Variants in TMX3 observed in about 807,000 individuals in gnomAD.
TMX3 encodes protein disulfide-isomerase TMX3.
TMX3 carries 40 observed loss-of-function variants against 64.4 expected under a neutral mutation model. The ratio of observed to expected loss-of-function variants is 0.62; its 90% confidence interval spans 0.48 to 0.81. The LOEUF (loss-of-function observed/expected upper bound fraction) is 0.81. Ranked by LOEUF, TMX3 falls within the 30% of genes least tolerant of loss-of-function variation. The pLI is 0.00. For missense variants in TMX3, 497 were observed against 534.5 expected (o/e 0.93, Z 0.69); for synonymous variants, 189 against 175.7 (o/e 1.08, Z -0.60).
rs760256285 is a variant in TMX3, at chr18:68,697,929, T to C, written c.492+3A>G. ...GTTTTTGTGGATTAAAAAAAAGTCT[T>C]ACTTTCAAAGGTGATTCTCCACCTA... On this transcript the variant is annotated splice_donor_region_variant and intron_variant, in intron 7 of 15. Transcript: ENST00000299608. 2 of 1,590,636 alleles carry C rather than the reference T, an allele frequency of 1.3e-6. No homozygotes were observed. Among genetic ancestry groups the C allele is most frequent in the South Asian group, 1.1e-5 (1 of 88,958 alleles).
chr18:68,691,419 TATA>T (rs1914512640), intron 8 of TMX3, 58 bp from the exon 9 acceptor site: 1 of 1,162,432 alleles, frequency 8.6e-7, no homozygotes, highest in African/African-American at 1.6e-5. Context: ...AATTAGTAAC[TATA>T]ATTTCAAAAG....
chr18:68,700,796 T>C, intron 5 of TMX3: 4 of 985,228 alleles, frequency 4.1e-6, no homozygotes, highest in Non-Finnish European at 4.8e-6. Context: ...AAAATTAAAG[T>C]ACTATAATTC....
chr18:68,697,075 A>G (rs1915160724), intron 8 of TMX3, 151 bp downstream of exon 8: 1 of 503,616 alleles, frequency 2.0e-6, no homozygotes, highest in Non-Finnish European at 3.5e-6. Context: ...AAGAATCAGC[A>G]TGTTTACTTT....
chr18:68,696,710 C>T (rs1431685583), intron 8 of TMX3, among the ~76,000 whole-genome samples: 1 of 151,842 alleles, frequency 6.6e-6, no homozygotes, highest in Admixed American at 6.6e-5. Flanking sequence ...TTCCTGACCT[C>T]GGGTGATCTA....
intron 5 of TMX3, chr18:68,701,055 T>G (rs1175677074): frequency 1.0e-6 from 1 of 969,846 alleles, no homozygotes. Context: ...CACAACAGAA[T>G]ACCTACAATT....
At chr18:68,702,002 C>CA (rs950554127) in intron 4 of TMX3, among the ~76,000 whole-genome samples, 1 of 150,416 alleles carries the variant, frequency 6.6e-6, no homozygotes, top group African/African-American at 2.4e-5. Flanking sequence ...GTGACCTGCA[C>CA]AAAATACTAT....
chr18:68,687,775 A>G lies in TMX3; in HGVS notation c.638-10T>C. On this transcript the variant is annotated splice_polypyrimidine_tract_variant and intron_variant, in intron 9 of 15. Transcript: ENST00000299608. Reference sequence around the variant, plus strand: ...TCACCATCTTCATACTCTTAAAACCAAGACAAAGTTGACAAATTACAGTAT... The same window carrying G: ...TCACCATCTTCATACTCTTAAAACCGAGACAAAGTTGACAAATTACAGTAT... 1 of 1,593,234 alleles carries G rather than the reference A, an allele frequency of 6.3e-7. No individual in the cohort carries two copies. Among genetic ancestry groups the G allele is most frequent in the South Asian group, 1.1e-5 (1 of 88,132 alleles).
rs753031271 is a variant in TMX3, at chr18:68,711,356, A to C, written c.141+8T>G. ...TGGGTAATTAGCATATAAAATTTAC[A>C]TACTTACATCTACAAGCCAAATGTC... On this transcript the variant is annotated splice_region_variant and intron_variant, in intron 3 of 15. Transcript: ENST00000299608. 10 of 1,579,112 alleles carry C rather than the reference A, an allele frequency of 6.3e-6. No individual in the cohort carries two copies. Among genetic ancestry groups the C allele is most frequent in the Non-Finnish European group, 8.6e-6 (10 of 1,158,468 alleles).
At chr18:68,678,715 A>G (rs1307077155) in intron 15 of TMX3, among the ~76,000 whole-genome samples, 1 of 152,164 alleles carries the variant, frequency 6.6e-6, no homozygotes, top group Non-Finnish European at 1.5e-5. Context: ...ATATATTTAG[A>G]AAGTATAATT....
intron 8 of TMX3, among the ~76,000 whole-genome samples, chr18:68,693,378 T>A (rs1914719923): frequency 6.6e-6 from 1 of 151,532 alleles, no homozygotes; most frequent in South Asian, 2.1e-4. Flanking sequence ...TGCTCAGGAG[T>A]GGTTCTGGAC....
chr18:68,679,299 T>G (rs759676257), intron 15 of TMX3, among the ~76,000 whole-genome samples, 164 bp downstream of exon 15: 4 of 152,164 alleles, frequency 2.6e-5, no homozygotes, highest in Non-Finnish European at 5.9e-5. Flanking sequence ...TTAGAAACAA[T>G]TTCCACCTAA....
chr18:68,693,340 G>GC (rs1436397934), intron 8 of TMX3, among the ~76,000 whole-genome samples: 1 of 152,096 alleles, frequency 6.6e-6, no homozygotes, highest in Non-Finnish European at 1.5e-5. Context: ...TGGGGTGGGA[G>GC]CCCCACGCTC....
chr18:68,695,348 C>T (rs1914956212), intron 8 of TMX3, among the ~76,000 whole-genome samples: 1 of 152,128 alleles, frequency 6.6e-6, no homozygotes, highest in Non-Finnish European at 1.5e-5. Context: ...GGTTCTGGGC[C>T]TACTCATTTC....
chr18:68,686,209 G>C (rs1177926876), intron 10 of TMX3, among the ~76,000 whole-genome samples: 1 of 152,122 alleles, frequency 6.6e-6, no homozygotes, highest in Non-Finnish European at 1.5e-5. Context: ...CACAGCTGAT[G>C]CCTAACAGGG....
intron 4 of TMX3, chr18:68,706,160 A>C (rs113967777): frequency 0.089 from 13,615 of 152,514 alleles, 1,728 homozygotes; most frequent in African/African-American, 0.28. Context: ...AGGCCGAGGC[A>C]GGCAGATCAC....
intron 11 of TMX3, 42 bp from the exon 12 acceptor site, chr18:68,684,285 G>A: frequency 6.4e-7 from 1 of 1,558,722 alleles, no homozygotes; most frequent in Non-Finnish European, 8.8e-7. Context: ...CTCTGCACTT[G>A]AAAAACATAA....
intron 8 of TMX3, among the ~76,000 whole-genome samples, chr18:68,693,960 G>A (rs555782052): frequency 3.3e-5 from 5 of 152,246 alleles, no homozygotes; most frequent in Non-Finnish European, 5.9e-5. Context: ...CAGACTAAGC[G>A]AAACACAGAC....
chr18:68,715,064 G>A lies in TMX3; in HGVS notation c.-83C>T. 6.5e-7 allele frequency: 1 copy of A among 1,546,520 alleles called. No individual in the cohort carries two copies. The highest frequency in any genetic ancestry group is 1.4e-5 in the African/African-American group (1 of 72,854). ...GTCCGCCGCCTGCCCGCCCGGAAAGGGAAACGGAGCCGACCCGGAGCGGAA... is the reference window on the plus strand; with the variant it reads ...GTCCGCCGCCTGCCCGCCCGGAAAGAGAAACGGAGCCGACCCGGAGCGGAA... On this transcript the variant is annotated 5_prime_UTR_variant, in exon 1 of 16. Coordinates refer to ENST00000299608, the MANE Select transcript of TMX3 (RefSeq NM_019022.5).
intron 6 of TMX3, among the ~76,000 whole-genome samples, chr18:68,698,662 G>C (rs575370828): frequency 3.4e-4 from 52 of 152,156 alleles, no homozygotes; most frequent in Non-Finnish European, 4.4e-4. Context: ...AAAGCAAATA[G>C]ATTGAGCAAT....
Sources: gnomAD v4.1 joint callset for allele counts (sites outside exome capture counted in the v4.1 genomes callset) on GRCh38, gnomAD v4.1.1 for gene constraint, MANE v1.5 for transcripts, NCBI Gene and HGNC (gene_info 2026-07-23, HGNC 2026-07-21) for gene names.